Variants in FMNL3 observed in about 807,000 individuals in gnomAD.
FMNL3 encodes formin like 3.
In FMNL3, 57 loss-of-function variants were observed where a neutral mutation model predicts 119.6. That is an observed-to-expected ratio of 0.48 (90% CI 0.39 to 0.59). The LOEUF (loss-of-function observed/expected upper bound fraction) is 0.59, where lower values mean the gene tolerates loss of function less well. Among genes scored for constraint, FMNL3 ranks in the 20% least tolerant of loss-of-function variants. FMNL3 has a pLI of 0.00. For synonymous variants in FMNL3, 491 were observed against 507.3 expected (o/e 0.97, Z 0.43); for missense variants, 1,053 against 1,323.5 (o/e 0.80, Z 3.17).
intron 1 of FMNL3, among the ~76,000 whole-genome samples, chr12:49,682,983 A>T (rs911605220): frequency 6.6e-6 from 1 of 152,146 alleles, no homozygotes; most frequent in Non-Finnish European, 1.5e-5. Flanking sequence ...TTGCCAGGTT[A>T]TCTCTAGTGT....
intron 11 of FMNL3, 87 bp from the exon 12 acceptor site, chr12:49,653,961 C>T (rs1943487854): frequency 2.0e-6 from 3 of 1,497,352 alleles, no homozygotes; most frequent in Middle Eastern, 1.8e-4. Flanking sequence ...TCCTCATCCC[C>T]CTTCGCCACC....
rs1440695523 is a variant in FMNL3, at chr12:49,643,360, A to T, written c.*2455T>A. On this transcript the variant is annotated 3_prime_UTR_variant, in exon 26 of 26. Transcript: ENST00000335154. ...TTGAAAGTGGGGGTGCTGCCCTTGG[A>T]GGACGGGGCTCCCCTTCCTCCCATC... 1.3e-6 allele frequency: 2 copies of T among 1,587,310 alleles called. No homozygotes were observed.
rs372164491 is a variant in FMNL3 at position 49,636,705 on chromosome 12, C to T, written c.*9110G>A. 3.1e-6 allele frequency: 5 copies of T among 1,613,716 alleles called. No homozygotes were observed. In the African/African-American group the frequency reaches 6.7e-5, roughly 22 times the overall value. On this transcript the variant is annotated 3_prime_UTR_variant, in exon 26 of 26. Transcript: ENST00000335154. ...GGGACAATGCCCGCGGAACCTCCTG[C>T]CTGTCTTTAGACATGGACAAGGAAG...
intron 1 of FMNL3, among the ~76,000 whole-genome samples, chr12:49,678,688 C>G (rs908691434): frequency 2.0e-5 from 3 of 152,128 alleles, no homozygotes; most frequent in African/African-American, 7.2e-5. Context: ...GTCTCGAACT[C>G]CTGGACTCAA....
In FMNL3 at chr12:49,662,982, G is replaced by A. The variant is rs549390273; in HGVS notation, c.369-933C>T. Among the ~76,000 whole-genome samples, 45 of 152,282 alleles carry A rather than the reference G, an allele frequency of 3.0e-4. No individual in the cohort carries two copies. The South Asian group carries it at 6.8e-3, about 23-fold the overall frequency. ...GAAAGCTCCTCCCAAACTGCCCTGC[G>A]GGGCCTTTCTCCCCAACAGCTGGAA... On this transcript the variant is annotated intron_variant, in intron 4 of 25. Transcript: ENST00000335154.
rs1180600229 is a variant in FMNL3, at chr12:49,641,815, G to A, written c.*4000C>T. ...CTGTGGATCTCTTCCAGAGGCAAGGGCCTTCTTGACCATCTGTAATGTGAC... is the reference window on the plus strand; with the variant it reads ...CTGTGGATCTCTTCCAGAGGCAAGGACCTTCTTGACCATCTGTAATGTGAC... On this transcript the variant is annotated 3_prime_UTR_variant, in exon 26 of 26. Transcript: ENST00000335154. 5.0e-6 allele frequency: 5 copies of A among 1,008,558 alleles called. No homozygotes were observed. The Admixed American group carries it at 7.1e-5, about 14-fold the overall frequency. 62.5% of individuals were successfully genotyped at this position (1,008,558 alleles called of 1,614,324 possible). A position where few individuals can be genotyped will look rare whatever the true frequency, so the allele number is the denominator to read the frequency against.
At chr12:49,673,665 T>C (rs1944106068) in intron 1 of FMNL3, among the ~76,000 whole-genome samples, 1 of 152,256 alleles carries the variant, frequency 6.6e-6, no homozygotes, top group Non-Finnish European at 1.5e-5. Flanking sequence ...CCTGCCGCAG[T>C]AGCAGCTCCT....
At position 49,707,229 on chromosome 12, in the gene FMNL3, G is replaced by T. The variant is rs1311738218; in HGVS notation, c.-49C>A. 16 of 1,436,344 alleles carry T rather than the reference G, an allele frequency of 1.1e-5. No homozygotes were observed. The highest frequency in any genetic ancestry group is 1.5e-5 in the Non-Finnish European group (16 of 1,098,030). 89.0% of individuals were successfully genotyped at this position (1,436,344 alleles called of 1,614,324 possible). A position where few individuals can be genotyped will look rare whatever the true frequency, so the allele number is the denominator to read the frequency against. ...CTCGGCCCCCCACCTCCACGCTCCG[G>T]AGCTTTCGGCTCCGCGGCTCCGACC... On this transcript the variant is annotated 5_prime_UTR_variant, in exon 1 of 26. Transcript: ENST00000335154.
chr12:49,650,539 GCCAA>G (rs2138730537), intron 17 of FMNL3, 133 bp downstream of exon 17: 1 of 976,398 alleles, frequency 1.0e-6, no homozygotes, highest in African/African-American at 1.6e-5. Flanking sequence ...GTAAATTCTA[GCCAA>G]GCCAGTGGAT....
At chr12:49,671,190 C>T (rs1944036677) in intron 1 of FMNL3, among the ~76,000 whole-genome samples, 2 of 152,362 alleles carry the variant, frequency 1.3e-5, no homozygotes, top group African/African-American at 2.4e-5. Flanking sequence ...TGAGGAAACA[C>T]TTGGTCCCCT....
intron 1 of FMNL3, among the ~76,000 whole-genome samples, chr12:49,694,478 G>A (rs979500392): frequency 5.5e-4 from 83 of 152,218 alleles, no homozygotes; most frequent in Middle Eastern, 3.4e-3. Flanking sequence ...GGTGAGGTGG[G>A]GGAGTTAGAG....
intron 14 of FMNL3, 107 bp downstream of exon 14, chr12:49,651,826 G>A: frequency 4.1e-6 from 6 of 1,447,730 alleles, no homozygotes; most frequent in East Asian, 2.5e-5. Context: ...CAAGTCCTCA[G>A]ATAATGCCAT....
At position 49,652,017 on chromosome 12, in the gene FMNL3, C is replaced by T; in HGVS notation, c.1519G>A (p.Ala507Thr). The part of the protein sequence containing the change: ...GMPPSDLDLL[A>T]PAPPPEEVLP... ...ACCTCCTCAGGGGGTGGGGCTGGAG[C>T]CAGAAGGTCCAGGTCGGAGGGTGGC... The change falls in exon 14 of 26, where the codon GCT becomes ACT. Residue 507 changes from alanine to threonine, a missense_variant. Coordinates refer to ENST00000335154, the MANE Select transcript of FMNL3 (RefSeq NM_175736.5). 2 of 1,607,046 alleles carry T rather than the reference C, an allele frequency of 1.2e-6. No individual in the cohort carries two copies. The highest frequency in any genetic ancestry group is 1.7e-6 in the Non-Finnish European group (2 of 1,176,800).
At chr12:49,648,438 C>A in intron 21 of FMNL3, 85 bp from the exon 22 acceptor site, 1 of 1,434,528 alleles carries the variant, frequency 7.0e-7, no homozygotes, top group East Asian at 2.5e-5. Flanking sequence ...CTCTGGCCCT[C>A]CCCCTCAGCA....
chr12:49,641,594 A>G lies in FMNL3; in HGVS notation c.*4221T>C. The G allele has an allele frequency of 2.9e-6, 1 of 346,822 alleles. No individual in the cohort carries two copies. Among genetic ancestry groups the G allele is most frequent in the South Asian group, 4.3e-5 (1 of 23,082 alleles). The allele number at this position is 346,822 out of a possible 1,614,324, so 21.5% of individuals were successfully genotyped here. A position where few individuals can be genotyped will look rare whatever the true frequency, so the allele number is the denominator to read the frequency against. ...CATGGAAGCACTGCTGAGCAGCAGG[A>G]GGGCCCAGCTGGGGCCAGAGCTTTA... On this transcript the variant is annotated 3_prime_UTR_variant, in exon 26 of 26. Transcript: ENST00000335154.
In FMNL3 at chr12:49,650,813, G is replaced by A. The variant is rs755774241; in HGVS notation, c.1863C>T (p.Leu621=). 6.2e-7 allele frequency: 1 copy of A among 1,614,246 alleles called. No individual in the cohort carries two copies. Among genetic ancestry groups the A allele is most frequent in the Non-Finnish European group, 8.5e-7 (1 of 1,180,044 alleles). The part of the protein sequence containing the change: ...KTKAQGPALD[L]ICSKNKTAQK... Reference sequence around the variant, plus strand: ...GCGCTGTCTTGTTTTTGGAGCAGATGAGGTCAAGGGCAGGGCCCTGCGCTT... The same window carrying A: ...GCGCTGTCTTGTTTTTGGAGCAGATAAGGTCAAGGGCAGGGCCCTGCGCTT... The change falls in exon 17 of 26, where the codon CTC becomes CTT. Residue 621 remains leucine (L), a synonymous_variant. Transcript: ENST00000335154.
At chr12:49,703,063 T>C (rs1401187948) in intron 1 of FMNL3, among the ~76,000 whole-genome samples, 1 of 152,216 alleles carries the variant, frequency 6.6e-6, no homozygotes, top group Non-Finnish European at 1.5e-5. Flanking sequence ...GGATAGCTCC[T>C]GTCACACAAC....
chr12:49,636,606 T>G lies in FMNL3; in HGVS notation c.*9209A>C. On this transcript the variant is annotated 3_prime_UTR_variant, in exon 26 of 26. Coordinates refer to ENST00000335154, the MANE Select transcript of FMNL3 (RefSeq NM_175736.5). Reference sequence around the variant, plus strand: ...CCTCCAGGCCCTTCCCCCACCACCCTGGGTATCCCTAGCACCTGTAGGACA... The same window carrying G: ...CCTCCAGGCCCTTCCCCCACCACCCGGGGTATCCCTAGCACCTGTAGGACA... 6.7e-7 allele frequency: 1 copy of G among 1,485,430 alleles called. No homozygotes were observed. Among genetic ancestry groups the G allele is most frequent in the Non-Finnish European group, 9.2e-7 (1 of 1,086,428 alleles). The allele number at this position is 1,485,430 out of a possible 1,614,324, so 92.0% of individuals were successfully genotyped here.
chr12:49,637,144 G>T lies in FMNL3; in HGVS notation c.*8671C>A. 4 of 573,774 alleles carry T rather than the reference G, an allele frequency of 7.0e-6. No individual in the cohort carries two copies. The highest frequency in any genetic ancestry group is 4.4e-5 in the South Asian group (2 of 45,672). The allele number at this position is 573,774 out of a possible 1,614,324, so 35.5% of individuals were successfully genotyped here. On this transcript the variant is annotated 3_prime_UTR_variant, in exon 26 of 26. Coordinates refer to ENST00000335154, the MANE Select transcript of FMNL3 (RefSeq NM_175736.5). ...GTTTATTTCCCTTGGTGGGGCACCC[G>T]ACAGGCAGAGTTTATTCCCTCAGCT...
Sources: gnomAD v4.1 joint callset for allele counts (sites outside exome capture counted in the v4.1 genomes callset) on GRCh38, gnomAD v4.1.1 for gene constraint, MANE v1.5 for transcripts, NCBI Gene and HGNC (gene_info 2026-07-23, HGNC 2026-07-21) for gene names.